Variants in NALF1 observed in about 807,000 individuals in gnomAD.
NALF1 encodes family with sequence similarity 155 member A.
In NALF1, 3 loss-of-function variants were observed where a neutral mutation model predicts 48.4. That is an observed-to-expected ratio of 0.06 (90% CI 0.03 to 0.16). NALF1 has a LOEUF of 0.16. Among genes scored for constraint, NALF1 ranks in the 10% least tolerant of loss-of-function variants. The pLI, the probability that NALF1 is intolerant of heterozygous loss-of-function variation, is 1.00. For missense variants in NALF1, 526 were observed against 571.5 expected (o/e 0.92, Z 0.81); for synonymous variants, 262 against 245.7 (o/e 1.07, Z -0.62).
chr13:107,360,862 C>G (rs1182370049), intron 1 of NALF1, among the ~76,000 whole-genome samples: 1 of 152,064 alleles, frequency 6.6e-6, no homozygotes, highest in Non-Finnish European at 1.5e-5. Context: ...CCTCCTCCCT[C>G]TCTCTCTTAT....
intron 1 of NALF1, among the ~76,000 whole-genome samples, chr13:107,247,328 C>A (rs573138168): frequency 6.6e-6 from 1 of 152,092 alleles, no homozygotes; most frequent in East Asian, 1.9e-4. Context: ...TCTATTAGAA[C>A]AAAATTCCTG....
At chr13:107,546,141 C>T (rs1332247863) in intron 1 of NALF1, among the ~76,000 whole-genome samples, 4 of 152,130 alleles carry the variant, frequency 2.6e-5, no homozygotes, top group Non-Finnish European at 5.9e-5. Flanking sequence ...CCTGCCAACA[C>T]CCACTTGGCC....
chr13:107,644,000 C>T (rs1880236380), intron 1 of NALF1, among the ~76,000 whole-genome samples: 1 of 149,058 alleles, frequency 6.7e-6, no homozygotes, highest in South Asian at 2.1e-4. Context: ...TTTATTTGAG[C>T]ACATGCAAAT....
chr13:107,197,252 T>G (rs972727704), intron 2 of NALF1, among the ~76,000 whole-genome samples: 2 of 152,352 alleles, frequency 1.3e-5, no homozygotes, highest in African/African-American at 4.8e-5. Context: ...TTACCTAGTC[T>G]TTGGTATTCT....
intron 1 of NALF1, among the ~76,000 whole-genome samples, chr13:107,252,397 AAGAT>A (rs993247631): frequency 3.3e-5 from 5 of 151,592 alleles, no homozygotes; most frequent in South Asian, 4.2e-4. Flanking sequence ...GGGAGAGAGA[AAGAT>A]AGAGAGGGGA....
intron 1 of NALF1, among the ~76,000 whole-genome samples, chr13:107,374,069 C>T (rs1883294560): frequency 6.6e-6 from 1 of 152,198 alleles, no homozygotes; most frequent in Non-Finnish European, 1.5e-5. Flanking sequence ...TCTGAATTTT[C>T]CAATGATTCC....
intron 1 of NALF1, among the ~76,000 whole-genome samples, chr13:107,734,110 G>A (rs925040772): frequency 9.6e-4 from 146 of 152,124 alleles, no homozygotes; most frequent in African/African-American, 3.3e-3. Flanking sequence ...GTGTTATGAC[G>A]GCTATGATGT....
In NALF1 at chr13:107,264,896, G is replaced by A. The variant is rs148345816; in HGVS notation, c.916-54141C>T. On this transcript the variant is annotated intron_variant, in intron 1 of 2. Coordinates refer to ENST00000375915, the MANE Select transcript of NALF1 (RefSeq NM_001080396.3). The stretch of plus-strand genomic sequence containing the variant: ...TCTAATTAACCATTCCATGATCACT[G>A]GATATTCAGGTAGTTCCTGATTTTT... Among the ~76,000 whole-genome samples the A allele has an allele frequency of 2.1e-3, 325 of 152,242 alleles. 2 individuals carry two copies. The highest frequency in any genetic ancestry group is 7.2e-3 in the African/African-American group (301 of 41,546).
At chr13:107,261,203 G>A (rs1431857650) in intron 1 of NALF1, among the ~76,000 whole-genome samples, 1 of 152,196 alleles carries the variant, frequency 6.6e-6, no homozygotes, top group Non-Finnish European at 1.5e-5. Flanking sequence ...GTTCCCAGGG[G>A]AAGGAGGCAG....
rs16970798 is a variant in NALF1 at position 107,594,955 on chromosome 13, C to T, written c.915+270727G>A. ...CAAAATATTTGTGTCCACTGAGTTGCCTGTACACTTTCAGATCCATAGTTT... is the reference window on the plus strand; with the variant it reads ...CAAAATATTTGTGTCCACTGAGTTGTCTGTACACTTTCAGATCCATAGTTT... On this transcript the variant is annotated intron_variant, in intron 1 of 2. Transcript: ENST00000375915. 0.021 allele frequency among the ~76,000 whole-genome samples: 3,125 copies of T among 151,912 alleles called. 214 individuals carry two copies. In the East Asian group the frequency reaches 0.26, roughly 13 times the overall value.
chr13:107,520,857 G>A (rs535622316), intron 1 of NALF1, among the ~76,000 whole-genome samples: 11 of 152,198 alleles, frequency 7.2e-5, no homozygotes, highest in Admixed American at 2.6e-4. Context: ...GTAGACCCCT[G>A]CCTGTGAGAG....
chr13:107,701,231 A>T (rs1881811131), intron 1 of NALF1, among the ~76,000 whole-genome samples: 1 of 152,180 alleles, frequency 6.6e-6, no homozygotes, highest in Admixed American at 6.5e-5. Flanking sequence ...TATGGAAACA[A>T]CCTCAAGACC....
In NALF1 at chr13:107,273,861, A is replaced by G. The variant is rs78978119; in HGVS notation, c.916-63106T>C. On this transcript the variant is annotated intron_variant, in intron 1 of 2. Coordinates refer to ENST00000375915, the MANE Select transcript of NALF1 (RefSeq NM_001080396.3). ...GCATCTTCCAACCTCCCAGGGTCCC[A>G]GGGCATGCATGGATACCCTCAACCA... Among the ~76,000 whole-genome samples, 1,147 of 152,258 alleles carry G rather than the reference A, an allele frequency of 7.5e-3. 12 individuals carry two copies. Among genetic ancestry groups the G allele is most frequent in the African/African-American group, 0.026 (1,086 of 41,560 alleles).
At chr13:107,226,127 C>G (rs1880103043) in intron 1 of NALF1, among the ~76,000 whole-genome samples, 1 of 152,076 alleles carries the variant, frequency 6.6e-6, no homozygotes, top group Non-Finnish European at 1.5e-5. Context: ...TGGTATGTTC[C>G]TGGGGTTTAA....
intron 1 of NALF1, among the ~76,000 whole-genome samples, chr13:107,794,461 A>G (rs1197059767): frequency 7.0e-6 from 1 of 141,922 alleles, no homozygotes; most frequent in Non-Finnish European, 1.5e-5. Context: ...TTCTCTAACT[A>G]GCATGCAGTG....
intron 1 of NALF1, among the ~76,000 whole-genome samples, chr13:107,743,503 C>G (rs1190689060): frequency 6.6e-6 from 1 of 152,172 alleles, no homozygotes; most frequent in Non-Finnish European, 1.5e-5. Context: ...TGTGGAAACT[C>G]AAGAGAAGAA....
chr13:107,500,152 A>G (rs2139077258), intron 1 of NALF1, among the ~76,000 whole-genome samples: 1 of 152,304 alleles, frequency 6.6e-6, no homozygotes. Flanking sequence ...GCAGGGATGC[A>G]AAAAAACACT....
intron 1 of NALF1, among the ~76,000 whole-genome samples, chr13:107,564,007 T>C (rs769923523): frequency 1.3e-5 from 2 of 152,210 alleles, no homozygotes; most frequent in Non-Finnish European, 2.9e-5. Context: ...AAGTCCCATA[T>C]TTGGCCCCTT....
At chr13:107,501,455 T>G (rs1427785133) in intron 1 of NALF1, among the ~76,000 whole-genome samples, 3 of 152,250 alleles carry the variant, frequency 2.0e-5, no homozygotes, top group African/African-American at 7.2e-5. Context: ...TGCTAAGAAC[T>G]AAGCTGCTGG....
Sources: allele counts gnomAD v4.1 joint callset (sites outside exome capture counted in the v4.1 genomes callset), GRCh38; gene constraint gnomAD v4.1.1; transcripts MANE v1.5; gene names NCBI Gene and HGNC (gene_info 2026-07-23, HGNC 2026-07-21).